RNF216: variants seen among roughly 807,000 people sequenced by gnomAD.
RNF216 encodes ring finger protein 216.
In RNF216, 72 loss-of-function variants were observed where a neutral mutation model predicts 110.8. That is an observed-to-expected ratio of 0.65 (90% CI 0.54 to 0.79). The LOEUF (loss-of-function observed/expected upper bound fraction) is 0.79, where lower values mean the gene tolerates loss of function less well. Among genes scored for constraint, RNF216 ranks in the 30% least tolerant of loss-of-function variants. The pLI is 0.00. For missense variants in RNF216, 1,342 were observed against 1,141.2 expected (o/e 1.18, Z -2.54); for synonymous variants, 495 against 407.5 (o/e 1.21, Z -2.59).
intron 13 of RNF216, among the ~76,000 whole-genome samples, chr7:5,695,366 G>A (rs541479817): frequency 1.3e-5 from 2 of 152,146 alleles, no homozygotes; most frequent in African/African-American, 2.4e-5. Context: ...AGCCTGTCCT[G>A]ACCTCACACT....
intron 1 of RNF216, among the ~76,000 whole-genome samples, chr7:5,761,611 T>C (rs1795938318): frequency 1.3e-5 from 2 of 151,944 alleles, no homozygotes; most frequent in Admixed American, 6.6e-5. Flanking sequence ...CATGGTGAAA[T>C]GCCAACTCTA....
intron 14 of RNF216, among the ~76,000 whole-genome samples, chr7:5,651,255 G>C (rs1031739284): frequency 1.1e-4 from 16 of 151,160 alleles, no homozygotes; most frequent in Non-Finnish European, 2.9e-5. Flanking sequence ...TTGGAGTCTC[G>C]CTCTGTCGCC....
chr7:5,755,484 TA>T (rs974255343), intron 2 of RNF216, among the ~76,000 whole-genome samples: 23 of 152,356 alleles, frequency 1.5e-4, no homozygotes, highest in African/African-American at 5.3e-4. Flanking sequence ...TCTAGCACAT[TA>T]GTAGCCCCCT....
chr7:5,659,133 T>C (rs1372650459), intron 13 of RNF216, among the ~76,000 whole-genome samples: 2 of 152,116 alleles, frequency 1.3e-5, no homozygotes, highest in Non-Finnish European at 2.9e-5. Flanking sequence ...GAATAAGATC[T>C]GAGTGACGGT....
At chr7:5,684,152 G>A (rs961806692) in intron 13 of RNF216, among the ~76,000 whole-genome samples, 9 of 138,182 alleles carry the variant, frequency 6.5e-5, no homozygotes, top group African/African-American at 2.5e-4. Context: ...ACCCAGGCTG[G>A]AGTGCAGTGG....
chr7:5,647,227 A>G (rs1788103385), intron 14 of RNF216, among the ~76,000 whole-genome samples: 2 of 151,696 alleles, frequency 1.3e-5, no homozygotes, highest in Non-Finnish European at 2.9e-5. Context: ...TGTTTTTGTA[A>G]TGTCACTCCC....
intron 6 of RNF216, among the ~76,000 whole-genome samples, chr7:5,730,343 A>G (rs1794015122): frequency 6.6e-6 from 1 of 152,228 alleles, no homozygotes; most frequent in Non-Finnish European, 1.5e-5. Context: ...TCAACGTAAA[A>G]TATTTCAATT....
At chr7:5,745,277 T>A (rs985760752) in intron 3 of RNF216, among the ~76,000 whole-genome samples, 1 of 152,160 alleles carries the variant, frequency 6.6e-6, no homozygotes, top group East Asian at 1.9e-4. Flanking sequence ...TGTAACAGAA[T>A]CCTACATTCA....
chr7:5,730,679 C>T (rs1401689731), intron 6 of RNF216, 36 bp downstream of exon 6: 3 of 1,598,088 alleles, frequency 1.9e-6, no homozygotes, highest in East Asian at 2.2e-5. Flanking sequence ...ACAGCATTTC[C>T]AGGCAGTGAC....
intron 13 of RNF216, among the ~76,000 whole-genome samples, chr7:5,685,287 T>C (rs1029145008): frequency 2.0e-5 from 3 of 152,182 alleles, no homozygotes; most frequent in African/African-American, 7.2e-5. Context: ...CCAGAGCCTC[T>C]TGATCTCCTC....
At chr7:5,714,949 T>G (rs1171209110) in intron 11 of RNF216, 104 bp downstream of exon 11, 4 of 1,052,114 alleles carry the variant, frequency 3.8e-6, no homozygotes, top group Non-Finnish European at 5.4e-6. Context: ...CCAGCAGAAC[T>G]CCACCTCACC....
chr7:5,715,124 C>A lies in RNF216; in HGVS notation c.1762G>T (p.Ala588Ser). ...TCTTTGCAGAACAAGTGAGCATCTG[C>A]GCACTGCGTCAGCTCCTCGAATGGA... Reference protein sequence around the residue: ...EFPFEELTQCADAHLFCKECL... With the variant: ...EFPFEELTQCSDAHLFCKECL... Residue 588 changes from alanine to serine, a missense_variant, in exon 11 of 17, where the codon GCA becomes TCA. Transcript: ENST00000389902. The A allele has an allele frequency of 1.2e-6, 2 of 1,613,852 alleles. No homozygotes were observed. The highest frequency in any genetic ancestry group is 1.7e-6 in the Non-Finnish European group (2 of 1,179,938).
chr7:5,716,003 A>G (rs1450819249), intron 10 of RNF216, among the ~76,000 whole-genome samples: 1 of 152,106 alleles, frequency 6.6e-6, no homozygotes, highest in Admixed American at 6.6e-5. Flanking sequence ...GGCCTTCCGA[A>G]GTGCTGGGAT....
chr7:5,767,100 T>C (rs1796247581), intron 1 of RNF216, among the ~76,000 whole-genome samples: 2 of 152,232 alleles, frequency 1.3e-5, no homozygotes, highest in African/African-American at 2.4e-5. Context: ...GCTCTGGCCA[T>C]GACAAAGTAT....
intron 14 of RNF216, chr7:5,649,612 CCTCT>C (rs1406325710): frequency 2.0e-5 from 3 of 151,684 alleles, no homozygotes; most frequent in Admixed American, 6.6e-5. Flanking sequence ...CGTGGAGCAC[CCTCT>C]CTCTAAAAAA....
intron 13 of RNF216, among the ~76,000 whole-genome samples, chr7:5,695,280 C>A (rs75505177): frequency 0.02 from 3,022 of 152,336 alleles, 45 homozygotes; most frequent in Non-Finnish European, 0.032. Flanking sequence ...TGCGCAGACC[C>A]AGTGCAGCAA....
chr7:5,765,614 C>T (rs535096919), intron 1 of RNF216, among the ~76,000 whole-genome samples: 4 of 150,512 alleles, frequency 2.7e-5, no homozygotes, highest in East Asian at 2.0e-4. Context: ...AGGGTGAGAG[C>T]GAGACCCTGC....
Position 5,647,555 on chromosome 7 carries a change from A to G in RNF216, c.2159+4858T>C, listed in dbSNP as rs564405663. Among the ~76,000 whole-genome samples, 8 of 151,906 alleles carry G rather than the reference A, an allele frequency of 5.3e-5. No individual in the cohort carries two copies. In the South Asian group the frequency reaches 1.5e-3, roughly 28 times the overall value. ...CACTTTGTTGCCCAGGCTGGTCTTC[A>G]ACTCCTGGGTTCAAGCAATCCTTCC... On this transcript the variant is annotated intron_variant, in intron 14 of 16. Transcript: ENST00000389902.
intron 14 of RNF216, among the ~76,000 whole-genome samples, chr7:5,645,524 T>C (rs796586516): frequency 5.1e-4 from 78 of 152,292 alleles, no homozygotes; most frequent in African/African-American, 1.9e-3. Context: ...TGCTATTGAA[T>C]TCTTCTAGTG....
Sources: allele counts gnomAD v4.1 joint callset (sites outside exome capture counted in the v4.1 genomes callset), GRCh38; gene constraint gnomAD v4.1.1; transcripts MANE v1.5; gene names NCBI Gene and HGNC (gene_info 2026-07-23, HGNC 2026-07-21).